The following ZNF771 variants were observed in gnomAD, a reference collection of about 807,000 sequenced individuals.
ZNF771 encodes zinc finger protein 771, also known as mesenchymal stem cell protein DSC43.
ZNF771 carries 10 observed loss-of-function variants against 27.6 expected under a neutral mutation model. That is an observed-to-expected ratio of 0.36 (90% CI 0.22 to 0.61). The LOEUF (loss-of-function observed/expected upper bound fraction) is 0.61. ZNF771 is among the 20% of genes least tolerant of loss of function. ZNF771 has a pLI of 0.70. For missense variants in ZNF771, 438 were observed against 503.7 expected (o/e 0.87, Z 1.25); for synonymous variants, 261 against 225.2 (o/e 1.16, Z -1.43).
chr16:30,418,511 C>G lies in ZNF771; in HGVS notation c.*144C>G, dbSNP rs2050151125. 1 of 798,158 alleles carries G rather than the reference C, an allele frequency of 1.3e-6. No homozygotes were observed. The highest frequency in any genetic ancestry group is 1.8e-5 in the African/African-American group (1 of 54,360). The allele number at this position is 798,158 out of a possible 1,614,324, so 49.4% of individuals were successfully genotyped here. A position where few individuals can be genotyped will look rare whatever the true frequency, so the allele number is the denominator to read the frequency against. ...TGGAACTGGGAGACAGGGAGAATCC[C>G]CTGCCGGGGTCCCTGGAAACAGTGC... On this transcript the variant is annotated 3_prime_UTR_variant, in exon 3 of 3. Transcript: ENST00000319296.
rs1446096080 is a variant in ZNF771 at position 30,418,190 on chromosome 16, C to T, written c.777C>T (p.Tyr259=). ...HARTHTGERP[Y]PCAECGRRFR... Reference sequence around the variant, plus strand: ...GCACGCACACAGGCGAGCGGCCCTACCCCTGCGCCGAGTGCGGCCGCCGCT... The same window carrying T: ...GCACGCACACAGGCGAGCGGCCCTATCCCTGCGCCGAGTGCGGCCGCCGCT... The change falls in exon 3 of 3, where the codon TAC becomes TAT. Residue 259 remains tyrosine (Y), a synonymous_variant. Coordinates refer to ENST00000319296, the MANE Select transcript of ZNF771 (RefSeq NM_001142305.2). 9.3e-6 allele frequency: 14 copies of T among 1,505,834 alleles called. No individual in the cohort carries two copies. In the South Asian group the frequency reaches 1.5e-4, roughly 16 times the overall value. The allele number at this position is 1,505,834 out of a possible 1,614,324, so 93.3% of individuals were successfully genotyped here.
At chr16:30,413,629 AC>A (rs2050117627) in intron 2 of ZNF771, 1 of 434,298 alleles carries the variant, frequency 2.3e-6, no homozygotes, top group African/African-American at 2.0e-5. Context: ...GTGCAGTGGC[AC>A]GTGATTGTAG....
At chr16:30,415,051 G>A (rs1308512155) in intron 2 of ZNF771, among the ~76,000 whole-genome samples, 15 of 134,914 alleles carry the variant, frequency 1.1e-4, no homozygotes, top group East Asian at 2.2e-4. Flanking sequence ...TCTGCCTCCC[G>A]GGTTCAAGTG....
intron 2 of ZNF771, among the ~76,000 whole-genome samples, chr16:30,416,761 TCTC>T (rs964166396): frequency 2.0e-5 from 3 of 151,820 alleles, no homozygotes; most frequent in Non-Finnish European, 2.9e-5. Context: ...CCCTCTGACA[TCTC>T]CTCTTACAGG....
chr16:30,410,100 T>C (rs2050095921), intron 2 of ZNF771, among the ~76,000 whole-genome samples: 1 of 151,952 alleles, frequency 6.6e-6, no homozygotes, highest in South Asian at 2.1e-4. Flanking sequence ...CTTGAGATTT[T>C]TCAACTTTTT....
chr16:30,413,677 C>T (rs1264151222), intron 2 of ZNF771: 1 of 352,924 alleles, frequency 2.8e-6, no homozygotes, highest in East Asian at 8.3e-5. Flanking sequence ...TCAAGTGATC[C>T]TCCTTCCTCG....
Position 30,408,189 on chromosome 16 carries a change from A to C in ZNF771, c.136A>C (p.Lys46Gln). The C allele has an allele frequency of 6.2e-7, 1 of 1,613,672 alleles. No individual in the cohort carries two copies. Among genetic ancestry groups the C allele is most frequent in the Non-Finnish European group, 8.5e-7 (1 of 1,179,740 alleles). The change falls in exon 2 of 3, where the codon AAG becomes CAG. Residue 46 changes from lysine to glutamine, a missense_variant. Physicochemically the swap from Lys to Gln is moderately conservative, Grantham distance 53. This residue lies in a region of ZNF771 where 84 missense variants were observed against 89.2 expected (regional missense o/e 0.94). Coordinates refer to ENST00000319296, the MANE Select transcript of ZNF771 (RefSeq NM_001142305.2). ...GAAACTCAAGATCCCCATGGACAACAAGGAGGTATGTGTCACACACACCCT... is the reference window on the plus strand; with the variant it reads ...GAAACTCAAGATCCCCATGGACAACCAGGAGGTATGTGTCACACACACCCT... ...VVKLKIPMDN[K>Q]EVPGEAPAPS... is the part of the protein sequence containing the mutation.
chr16:30,410,987 T>G (rs1451684192), intron 2 of ZNF771, among the ~76,000 whole-genome samples: 3 of 150,330 alleles, frequency 2.0e-5, no homozygotes, highest in African/African-American at 7.4e-5. Flanking sequence ...TGCACCACTG[T>G]ACTCCAGCCT....
Position 30,418,264 on chromosome 16 carries a change from G to A in ZNF771, c.851G>A (p.Arg284His), listed in dbSNP as rs2050148995. The A allele has an allele frequency of 3.3e-6, 5 of 1,510,982 alleles. No individual in the cohort carries two copies. The highest frequency in any genetic ancestry group is 1.2e-5 in the South Asian group (1 of 81,206). 93.6% of individuals were successfully genotyped at this position (1,510,982 alleles called of 1,614,324 possible). A position where few individuals can be genotyped will look rare whatever the true frequency, so the allele number is the denominator to read the frequency against. The stretch of plus-strand genomic sequence containing the variant: ...CGCCACCGACGCGCGCACATGCGGC[G>A]CCGCCTGTATATTTGCGCCGGCTGC... ...FIRHRRAHMR[R>H]RLYICAGCGR... The change falls in exon 3 of 3, where the codon CGC becomes CAC. Residue 284 changes from arginine to histidine, a missense_variant. Transcript: ENST00000319296.
chr16:30,413,557 G>T (rs1257273515), intron 2 of ZNF771: 1 of 340,790 alleles, frequency 2.9e-6, no homozygotes, highest in Admixed American at 3.3e-5. Context: ...CTCATGCTGG[G>T]AAATTTTGGG....
Position 30,414,946 on chromosome 16 carries a change from C to CTTTTT in ZNF771, c.142-2584_142-2580dup, listed in dbSNP as rs71149016. ...AGGCGTGAGCCACCGCGCCCGGCCT[C>CTTTTT]TTTTTTTTTTTTTTTTTTTTTTTTT... On this transcript the variant is annotated intron_variant, in intron 2 of 2. Transcript: ENST00000319296. Among the ~76,000 whole-genome samples the CTTTTT allele has an allele frequency of 8.5e-3, 508 of 59,458 alleles. 91 individuals carry two copies. The highest frequency in any genetic ancestry group is 9.8e-3 in the Non-Finnish European group (343 of 34,880). 39.0% of individuals were successfully genotyped at this position (59,458 alleles called of 152,430 possible). A position where few individuals can be genotyped will look rare whatever the true frequency, so the allele number is the denominator to read the frequency against.
At position 30,417,889 on chromosome 16, in the gene ZNF771, G is replaced by C; in HGVS notation, c.476G>C (p.Ser159Thr). The change falls in exon 3 of 3, where the codon AGC becomes ACC. Residue 159 changes from serine (S) to threonine (T), a missense_variant. Transcript: ENST00000319296. ...CAHCGRRFAQ[S>T]SNYAQHLRVH... ...CACTGCGGCCGCCGCTTCGCGCAGA[G>C]CTCCAACTACGCACAGCACCTGCGC... 6.6e-7 allele frequency: 1 copy of C among 1,518,108 alleles called. No individual in the cohort carries two copies. Among genetic ancestry groups the C allele is most frequent in the South Asian group, 1.2e-5 (1 of 81,816 alleles). The allele number at this position is 1,518,108 out of a possible 1,614,324, so 94.0% of individuals were successfully genotyped here. A position where few individuals can be genotyped will look rare whatever the true frequency, so the allele number is the denominator to read the frequency against.
chr16:30,413,464 A>C, intron 2 of ZNF771: 1 of 260,394 alleles, frequency 3.8e-6, no homozygotes, highest in Non-Finnish European at 8.0e-6. Context: ...TTCATGTGAT[A>C]TCTTGTTTTT....
In ZNF771 at chr16:30,418,435, G is replaced by T; in HGVS notation, c.*68G>T. ...GCTGCACTAACCCAGGCTCCTCCTC[G>T]CCCCGGCCTCCGGGTCTGGGAAATT... On this transcript the variant is annotated 3_prime_UTR_variant, in exon 3 of 3. Transcript: ENST00000319296. 1.5e-6 allele frequency: 2 copies of T among 1,330,340 alleles called. No homozygotes were observed. The highest frequency in any genetic ancestry group is 3.1e-5 in the East Asian group (1 of 32,090). 82.4% of individuals were successfully genotyped at this position (1,330,340 alleles called of 1,614,324 possible). A position where few individuals can be genotyped will look rare whatever the true frequency, so the allele number is the denominator to read the frequency against.
chr16:30,415,382 C>CTTT (rs397854803), intron 2 of ZNF771, among the ~76,000 whole-genome samples: 34 of 132,204 alleles, frequency 2.6e-4, no homozygotes, highest in Admixed American at 3.8e-4. Flanking sequence ...TGCTGTCACC[C>CTTT]TTTTTTTTTT....
At chr16:30,409,962 G>A (rs764124773) in intron 2 of ZNF771, among the ~76,000 whole-genome samples, 6 of 152,196 alleles carry the variant, frequency 3.9e-5, no homozygotes, top group East Asian at 1.9e-4. Flanking sequence ...TCTTGGAGTT[G>A]TGAGGAATGA....
chr16:30,418,089 A>T lies in ZNF771; in HGVS notation c.676A>T (p.Thr226Ser). The change falls in exon 3 of 3, where the codon ACG becomes TCG. Residue 226 changes from threonine to serine, a missense_variant. Transcript: ENST00000319296. Reference sequence around the variant, plus strand: ...GCTGGCCAAGCACCGGCGCGTGCACACGGGCGAGAAGCCGCACCGCTGCGC... The same window carrying T: ...GCTGGCCAAGCACCGGCGCGTGCACTCGGGCGAGAAGCCGCACCGCTGCGC... ...SALAKHRRVH[T>S]GEKPHRCAVC... is the part of the protein sequence containing the mutation. 6.8e-7 allele frequency: 1 copy of T among 1,479,148 alleles called. No individual in the cohort carries two copies. Among genetic ancestry groups the T allele is most frequent in the Non-Finnish European group, 8.9e-7 (1 of 1,122,808 alleles). 91.6% of individuals were successfully genotyped at this position (1,479,148 alleles called of 1,614,324 possible).
At chr16:30,412,957 C>T (rs1408952568) in intron 2 of ZNF771, among the ~76,000 whole-genome samples, 1 of 152,134 alleles carries the variant, frequency 6.6e-6, no homozygotes, top group Non-Finnish European at 1.5e-5. Context: ...ATATATAAAA[C>T]AGGGCTAAGG....
chr16:30,407,951 G>C, intron 1 of ZNF771, 94 bp from the exon 2 acceptor site: 1 of 917,454 alleles, frequency 1.1e-6, no homozygotes, highest in East Asian at 2.8e-5. Context: ...GAGAAGCCAC[G>C]GCTGCACTGC....
Sources: gnomAD v4.1 joint callset for allele counts (sites outside exome capture counted in the v4.1 genomes callset) on GRCh38, gnomAD v4.1.1 for gene constraint, gnomAD v4.1.1 regional missense constraint, MANE v1.5 for transcripts, NCBI Gene and HGNC (gene_info 2026-07-23, HGNC 2026-07-21) for gene names.